Variants in TLN1 observed in about 807,000 individuals in gnomAD.
The protein encoded by TLN1 is talin 1, also known as talin-1.
TLN1 carries 56 observed loss-of-function variants against 292.3 expected under a neutral mutation model. That is an observed-to-expected ratio of 0.19 (90% CI 0.15 to 0.24). The LOEUF (loss-of-function observed/expected upper bound fraction) is 0.24. TLN1 is among the 10% of genes least tolerant of loss of function. The probability of loss-of-function intolerance (pLI) is 1.00; values close to 1 mark genes in which losing one functional copy is unlikely to be tolerated. For synonymous variants in TLN1, 1,119 were observed against 1,253.7 expected, an observed-to-expected ratio of 0.89 and a Z score of 2.27; for missense variants, 2,433 against 3,248.2, an observed-to-expected ratio of 0.75 and a Z score of 6.10.
chr9:35,724,918 GATC>G lies in TLN1; in HGVS notation c.267_269del (p.Lys89_Ile90delinsAsn). ...TCTTCACAGTTCCATCCAGCATACG[GATC>G]TTCAGGGGTCTCTGTTTCTTCCTGT... On this transcript the variant is annotated inframe_deletion, in exon 4 of 57. Coordinates refer to ENST00000314888, the MANE Select transcript of TLN1 (RefSeq NM_006289.4). The surrounding 1 kb of genome is among the most constrained non-coding windows in gnomAD (Gnocchi z 4.7). The G allele has an allele frequency of 6.2e-7, 1 of 1,614,184 alleles. No individual in the cohort carries two copies. Among genetic ancestry groups the G allele is most frequent in the Non-Finnish European group, 8.5e-7 (1 of 1,180,034 alleles).
In TLN1 at chr9:35,719,202, C is replaced by T. The variant is rs749136653; in HGVS notation, c.1768G>A (p.Gly590Arg). ...ISSNLTEMSRGVKLLAALLED... is the reference protein window; with the variant it reads ...ISSNLTEMSRRVKLLAALLED... ...AGCAAGGCAGCCAGCAGCTTCACCC[C>T]ACGGGACATCTCCGTCAGGTTGGAG... is the stretch of plus-strand genomic sequence containing the variant. Residue 590 changes from glycine (G) to arginine (R), a missense_variant, in exon 16 of 57, where the codon GGG becomes AGG. Transcript: ENST00000314888. The surrounding 1 kb of genome is among the most constrained non-coding windows in gnomAD (Gnocchi z 4.6). 2.5e-6 allele frequency: 4 copies of T among 1,614,248 alleles called. No homozygotes were observed. Among genetic ancestry groups the T allele is most frequent in the South Asian group, 2.2e-5 (2 of 91,084 alleles).
intron 1 of TLN1, 69 bp from the exon 2 acceptor site, chr9:35,725,796 G>A: frequency 7.0e-7 from 1 of 1,438,736 alleles, no homozygotes; most frequent in Non-Finnish European, 9.5e-7. Flanking sequence ...AGATGGTGGA[G>A]TCCAAGGGAA....
At chr9:35,718,936 A>C (rs1248507205) in intron 16 of TLN1, 26 bp from the exon 17 acceptor site, 1 of 1,608,450 alleles carries the variant, frequency 6.2e-7, no homozygotes, top group African/African-American at 1.3e-5. Flanking sequence ...ACCAGTCAGA[A>C]GCTGCCCAAT....
chr9:35,706,655 G>C lies in TLN1; in HGVS notation c.5089-104C>G. 1 of 1,577,988 alleles carries C rather than the reference G, an allele frequency of 6.3e-7. No homozygotes were observed. The highest frequency in any genetic ancestry group is 8.6e-7 in the Non-Finnish European group (1 of 1,158,080). Reference sequence around the variant, plus strand: ...ATACCAAATACCCTAACCCTCCTTCGCACATCCCAGCCTTTGATGTCCCTA... The same window carrying C: ...ATACCAAATACCCTAACCCTCCTTCCCACATCCCAGCCTTTGATGTCCCTA... On this transcript the variant is annotated intron_variant, in intron 38 of 56. Transcript: ENST00000314888. This position sits in a 1 kb window ranked among gnomAD's most constrained non-coding sequence, Gnocchi z 4.2.
Position 35,707,371 on chromosome 9 carries a change from T to A in TLN1, c.4750A>T (p.Ile1584Phe), listed in dbSNP as rs759890811. Residue 1584 changes from isoleucine to phenylalanine, a missense_variant, in exon 36 of 57, where the codon ATT becomes TTT. Physicochemically the swap from Ile to Phe is conservative, Grantham distance 21. Coordinates refer to ENST00000314888, the MANE Select transcript of TLN1 (RefSeq NM_006289.4). This position sits in a 1 kb window ranked among gnomAD's most constrained non-coding sequence, Gnocchi z 5.6. The part of the protein sequence containing the change: ...AFASNPEFSS[I>F]PAQISPEGRA... ...ACCTCAGGGCTGATCTGGGCAGGAA[T>A]GCTGGAGAACTCAGGGTTGGACGCA... is the stretch of plus-strand genomic sequence containing the variant. The A allele has an allele frequency of 1.2e-6, 2 of 1,614,154 alleles. No individual in the cohort carries two copies. The highest frequency in any genetic ancestry group is 1.7e-6 in the Non-Finnish European group (2 of 1,180,032).
rs1825582360 is a variant in TLN1, at chr9:35,707,255, TG to T, written c.4774-3del. ...AATGGGCTCCATGGCAGCCCGACCC[TG>T]GGGAGAGGGGAGGCAGGAAGGTAAG... On this transcript the variant is annotated splice_polypyrimidine_tract_variant and splice_region_variant and intron_variant, in intron 36 of 56. Transcript: ENST00000314888. The surrounding 1 kb of genome is among the most constrained non-coding windows in gnomAD (Gnocchi z 5.6). 6.2e-7 allele frequency: 1 copy of T among 1,602,888 alleles called. No homozygotes were observed. The highest frequency in any genetic ancestry group is 8.5e-7 in the Non-Finnish European group (1 of 1,172,358).
rs1825881751 is a variant in TLN1, at chr9:35,721,637, C to T, written c.1104+11G>A. 1 of 1,610,276 alleles carries T rather than the reference C, an allele frequency of 6.2e-7. No individual in the cohort carries two copies. Among genetic ancestry groups the T allele is most frequent in the Non-Finnish European group, 8.5e-7 (1 of 1,176,926 alleles). ...CCCAAAGCACTTTCTTGTTATAGTC[C>T]CCAGACTTACCAGGGTGAAGCTTTT... On this transcript the variant is annotated intron_variant, in intron 10 of 56. Coordinates refer to ENST00000314888, the MANE Select transcript of TLN1 (RefSeq NM_006289.4).
Position 35,697,770 on chromosome 9 carries a change from C to T in TLN1, c.*21G>A. On this transcript the variant is annotated 3_prime_UTR_variant, in exon 57 of 57. Transcript: ENST00000314888. ...ACGCACAGTCTCTGGGCCGGGTCTG[C>T]ATTAAATAGAAGAGGCTTCTTTAGT... The T allele has an allele frequency of 6.2e-7, 1 of 1,613,436 alleles. No homozygotes were observed. Among genetic ancestry groups the T allele is most frequent in the Non-Finnish European group, 8.5e-7 (1 of 1,179,800 alleles).
At chr9:35,728,680 C>T (rs1826019692) in intron 1 of TLN1, among the ~76,000 whole-genome samples, 1 of 152,224 alleles carries the variant, frequency 6.6e-6, no homozygotes, top group Non-Finnish European at 1.5e-5. Context: ...CCTATGCACA[C>T]AGCTTTTGCA....
Position 35,706,192 on chromosome 9 carries a change from A to G in TLN1, c.5361+4T>C, listed in dbSNP as rs759730985. On this transcript the variant is annotated splice_donor_region_variant and intron_variant, in intron 40 of 56. Coordinates refer to ENST00000314888, the MANE Select transcript of TLN1 (RefSeq NM_006289.4). The surrounding 1 kb of genome is among the most constrained non-coding windows in gnomAD (Gnocchi z 4.2). ...AACAGCTCCTCCCTCCCAACCCTCA[A>G]TACCTTTGGGTTACCACCAGCCTCC... 1.2e-6 allele frequency: 2 copies of G among 1,609,142 alleles called. No homozygotes were observed. The highest frequency in any genetic ancestry group is 2.7e-5 in the African/African-American group (2 of 74,874).
chr9:35,710,600 G>C lies in TLN1; in HGVS notation c.4287C>G (p.Ala1429=). 1 of 1,614,066 alleles carries C rather than the reference G, an allele frequency of 6.2e-7. No homozygotes were observed. The highest frequency in any genetic ancestry group is 1.3e-5 in the African/African-American group (1 of 75,056). Residue 1429 remains alanine, a synonymous_variant, in exon 33 of 57, where the codon GCC becomes GCG. Coordinates refer to ENST00000314888, the MANE Select transcript of TLN1 (RefSeq NM_006289.4). ...CGGTGAAGCCACAAAGTGCCTTTGA[G>C]GCTGTGGAAATGGCATCTCCAAACT... The part of the protein sequence containing the change: ...LPEFGDAIST[A]SKALCGFTEA...
intron 7 of TLN1, 138 bp downstream of exon 7, chr9:35,723,814 G>A (rs1352708362): frequency 1.5e-6 from 2 of 1,294,638 alleles, no homozygotes; most frequent in Non-Finnish European, 2.2e-6. Flanking sequence ...CAACTAAAAG[G>A]GTAGCTATGT....
Position 35,706,894 on chromosome 9 carries a change from C to G in TLN1, c.4962G>C (p.Lys1654Asn). ...TTTCACACTCCAGCTGCCCTGGAGC[C>G]TTGTCCCTGCAGACACATCATGGGC... ...IKKLITSMRD[K>N]APGQLECETA... Residue 1654 changes from lysine to asparagine, a missense_variant, in exon 38 of 57, where the codon AAG becomes AAC. Transcript: ENST00000314888. The surrounding 1 kb of genome is among the most constrained non-coding windows in gnomAD (Gnocchi z 4.2). 1 of 1,613,996 alleles carries G rather than the reference C, an allele frequency of 6.2e-7. No homozygotes were observed. Among genetic ancestry groups the G allele is most frequent in the South Asian group, 1.1e-5 (1 of 91,086 alleles).
At chr9:35,729,215 G>A (rs1183172563) in intron 1 of TLN1, among the ~76,000 whole-genome samples, 1 of 152,240 alleles carries the variant, frequency 6.6e-6, no homozygotes, top group Non-Finnish European at 1.5e-5. Context: ...TGTGAAGCCA[G>A]GATCCGAACC....
chr9:35,707,984 A>C lies in TLN1; in HGVS notation c.4471-92T>G. The C allele has an allele frequency of 4.2e-6, 6 of 1,440,768 alleles. No homozygotes were observed. The highest frequency in any genetic ancestry group is 5.7e-6 in the Non-Finnish European group (6 of 1,045,658). 89.2% of individuals were successfully genotyped at this position (1,440,768 alleles called of 1,614,324 possible). ...ATTTTAGGGTCAGGGGATGGAGAGC[A>C]ATACCCTGAGGAGTCAAAACAGGAA... On this transcript the variant is annotated intron_variant, in intron 34 of 56. Transcript: ENST00000314888. This position sits in a 1 kb window ranked among gnomAD's most constrained non-coding sequence, Gnocchi z 5.6.
chr9:35,712,369 G>A (rs1050067799), intron 27 of TLN1, among the ~76,000 whole-genome samples: 5 of 152,184 alleles, frequency 3.3e-5, no homozygotes, highest in Non-Finnish European at 5.9e-5. Flanking sequence ...AAGAGGGCCG[G>A]GCACAGTGGC....
intron 48 of TLN1, among the ~76,000 whole-genome samples, chr9:35,702,344 T>G (rs560386256): frequency 6.6e-6 from 1 of 152,168 alleles, no homozygotes; most frequent in African/African-American, 2.4e-5. Flanking sequence ...GTGGTTAAAC[T>G]TGCCAAAGAA....
Position 35,698,330 on chromosome 9 carries a change from C to T in TLN1, c.7364G>A (p.Arg2455Gln). Residue 2455 changes from arginine (R) to glutamine (Q), a missense_variant, in exon 55 of 57, where the codon CGA (arginine) becomes CAA (glutamine). By Grantham distance (43) the Arg-to-Gln change is conservative. Transcript: ENST00000314888. The surrounding 1 kb of genome is among the most constrained non-coding windows in gnomAD (Gnocchi z 5.3). ...KADQDSEAMK[R>Q]LQAAGNAVKR... Reference sequence around the variant, plus strand: ...ATGGGTCAGGGTTCTCACCTGAAGTCGTTTCATTGCCTCCGAGTCCTGGTC... The same window carrying T: ...ATGGGTCAGGGTTCTCACCTGAAGTTGTTTCATTGCCTCCGAGTCCTGGTC... 6 of 1,614,060 alleles carry T rather than the reference C, an allele frequency of 3.7e-6. No individual in the cohort carries two copies. Among genetic ancestry groups the T allele is most frequent in the Non-Finnish European group, 5.1e-6 (6 of 1,179,960 alleles).
rs373642571 is a variant in TLN1 at position 35,720,426 on chromosome 9, T to C, written c.1283+7A>G. 604 of 1,614,000 alleles carry C rather than the reference T, an allele frequency of 3.7e-4. No individual in the cohort carries two copies. Among genetic ancestry groups the C allele is most frequent in the Non-Finnish European group, 4.7e-4 (557 of 1,179,942 alleles). Reference sequence around the variant, plus strand: ...GGGAAATGGGATCAGCCCAACTCCCTTCGTACTTTTTGGGGGACACTGAGT... The same window carrying C: ...GGGAAATGGGATCAGCCCAACTCCCCTCGTACTTTTTGGGGGACACTGAGT... On this transcript the variant is annotated splice_region_variant and intron_variant, in intron 12 of 56. Transcript: ENST00000314888.
Sources: allele counts gnomAD v4.1 joint callset (sites outside exome capture counted in the v4.1 genomes callset), GRCh38; gene constraint gnomAD v4.1.1; non-coding constraint Gnocchi (gnomAD v3.1); transcripts MANE v1.5; gene names NCBI Gene and HGNC (gene_info 2026-07-23, HGNC 2026-07-21).